The following ADGRG6 variants were observed in gnomAD, a reference collection of about 807,000 sequenced individuals.
ADGRG6 encodes the protein adhesion G protein-coupled receptor G6.
In ADGRG6, 84 loss-of-function variants were observed where a neutral mutation model predicts 142.4. The observed-to-expected ratio is 0.59, with a 90% CI of 0.49 to 0.71. The LOEUF (loss-of-function observed/expected upper bound fraction) is 0.71, where lower values mean the gene tolerates loss of function less well. Among genes scored for constraint, ADGRG6 ranks in the 30% least tolerant of loss-of-function variants. The pLI, the probability that ADGRG6 is intolerant of heterozygous loss-of-function variation, is 0.00. For missense variants in ADGRG6, 1,367 were observed against 1,466.6 expected (o/e 0.93, Z 1.11); for synonymous variants, 521 against 520.5 (o/e 1.00, Z -0.01).
chr6:142,330,208 T>C (rs577552837), intron 2 of ADGRG6, among the ~76,000 whole-genome samples: 42 of 152,226 alleles, frequency 2.8e-4, no homozygotes, highest in African/African-American at 8.2e-4. Context: ...TCGTTCTTTT[T>C]AATGGCTGCA....
chr6:142,420,006 C>T lies in ADGRG6; in HGVS notation c.3221C>T (p.Thr1074Ile). ...LRNLRSVVSL[T>I]FLLGMTWGFA... ...AACCTGCGCAGTGTGGTTAGCTTGA[C>T]CTTTCTGTTGGGCATGACATGGGGT... is the stretch of plus-strand genomic sequence containing the variant. Residue 1074 changes from threonine to isoleucine, a missense_variant, in exon 22 of 25, where the codon ACC (threonine) becomes ATC (isoleucine). By Grantham distance (89) the Thr-to-Ile change is moderately conservative. Transcript: ENST00000367609. 6.2e-7 allele frequency: 1 copy of T among 1,613,534 alleles called. No individual in the cohort carries two copies. The highest frequency in any genetic ancestry group is 8.5e-7 in the Non-Finnish European group (1 of 1,179,594).
intron 2 of ADGRG6, among the ~76,000 whole-genome samples, chr6:142,343,945 G>A (rs1053326488): frequency 6.6e-6 from 1 of 151,926 alleles, no homozygotes. Flanking sequence ...CTTGAAGTTC[G>A]CAACACTGAA....
Position 142,341,466 on chromosome 6 carries a change from A to AGTATAT in ADGRG6, c.104-26103_104-26102insGTATAT, listed in dbSNP as rs1221053033. Among the ~76,000 whole-genome samples the AGTATAT allele has an allele frequency of 8.7e-3, 1,042 of 119,246 alleles. 10 individuals carry two copies. Among genetic ancestry groups the AGTATAT allele is most frequent in the Middle Eastern group, 0.071 (19 of 266 alleles). 78.2% of individuals were successfully genotyped at this position (119,246 alleles called of 152,430 possible). A position where few individuals can be genotyped will look rare whatever the true frequency, so the allele number is the denominator to read the frequency against. On this transcript the variant is annotated intron_variant, in intron 2 of 24. Transcript: ENST00000367609. ...TATATATAGTATATATAGTATATAT[A>AGTATAT]ATATTATGTAGTATATATACTATAT...
At chr6:142,308,911 C>CCA (rs1199637791) in intron 1 of ADGRG6, among the ~76,000 whole-genome samples, 2 of 151,758 alleles carry the variant, frequency 1.3e-5, no homozygotes, top group Non-Finnish European at 3.0e-5. Context: ...TTTCAAAGCA[C>CCA]CACCTCTCCA....
At chr6:142,315,896 A>G (rs1778037706) in intron 2 of ADGRG6, among the ~76,000 whole-genome samples, 1 of 151,996 alleles carries the variant, frequency 6.6e-6, no homozygotes, top group Non-Finnish European at 1.5e-5. Context: ...CAGCACATGG[A>G]TGGTAGCTGT....
At chr6:142,360,075 T>A (rs1780642793) in intron 2 of ADGRG6, among the ~76,000 whole-genome samples, 1 of 152,156 alleles carries the variant, frequency 6.6e-6, no homozygotes, top group African/African-American at 2.4e-5. Flanking sequence ...TTAACAACTA[T>A]GAATAAAACA....
In ADGRG6 at chr6:142,426,632, C is replaced by A. The variant is rs547231950; in HGVS notation, c.3319+6528C>A. On this transcript the variant is annotated intron_variant, in intron 22 of 24. Coordinates refer to ENST00000367609, the MANE Select transcript of ADGRG6 (RefSeq NM_198569.3). ...CTCTTCTCACAGCTCCACTAGATGG[C>A]ACCCCAGTAGGGACTCTGTGTGGGG... Among the ~76,000 whole-genome samples, 6 of 152,320 alleles carry A rather than the reference C, an allele frequency of 3.9e-5. No individual in the cohort carries two copies. The South Asian group carries it at 1.2e-3, about 32-fold the overall frequency.
At chr6:142,375,237 C>T (rs1781447844) in intron 4 of ADGRG6, among the ~76,000 whole-genome samples, 1 of 152,222 alleles carries the variant, frequency 6.6e-6, no homozygotes, top group African/African-American at 2.4e-5. Flanking sequence ...GCATCAAATA[C>T]ATACTCATGT....
At chr6:142,362,632 A>G (rs1780777160) in intron 2 of ADGRG6, among the ~76,000 whole-genome samples, 1 of 152,208 alleles carries the variant, frequency 6.6e-6, no homozygotes, top group Admixed American at 6.5e-5. Context: ...ATCTTGAAAA[A>G]TCTGGATAGT....
intron 22 of ADGRG6, among the ~76,000 whole-genome samples, chr6:142,423,243 G>A (rs1776752054): frequency 7.0e-6 from 1 of 142,460 alleles, no homozygotes; most frequent in Non-Finnish European, 1.5e-5. Flanking sequence ...CCTTGCCCAT[G>A]CCTATGTCCT....
chr6:142,338,013 C>CTTTTTTTTTTTTTTTTTTTTTT (rs1779405902), intron 2 of ADGRG6, among the ~76,000 whole-genome samples: 3 of 26,044 alleles, frequency 1.2e-4, no homozygotes, highest in Middle Eastern at 0.021. Context: ...TGCCTTGTAT[C>CTTTTTTTTTTTTTTTTTTTTTT]TTTGTTTTTT....
intron 2 of ADGRG6, among the ~76,000 whole-genome samples, chr6:142,365,647 T>C (rs1283759103): frequency 6.6e-6 from 1 of 152,180 alleles, no homozygotes; most frequent in Non-Finnish European, 1.5e-5. Flanking sequence ...TTATTTTCCA[T>C]TGTCTGTCTT....
intron 6 of ADGRG6, among the ~76,000 whole-genome samples, chr6:142,389,330 G>A (rs1256847078): frequency 1.3e-5 from 2 of 151,380 alleles, no homozygotes; most frequent in Admixed American, 6.6e-5. Flanking sequence ...TCTATATTTT[G>A]TGTGCCTATT....
chr6:142,442,364 G>C (rs777997734), intron 24 of ADGRG6, among the ~76,000 whole-genome samples: 2 of 152,102 alleles, frequency 1.3e-5, no homozygotes, highest in Non-Finnish European at 2.9e-5. Context: ...AGAGGGAAGT[G>C]CTTAAAAGAT....
At chr6:142,317,709 T>TAAATATATATAA (rs1778154351) in intron 2 of ADGRG6, among the ~76,000 whole-genome samples, 1 of 110,316 alleles carries the variant, frequency 9.1e-6, no homozygotes, top group East Asian at 2.2e-4. Context: ...TAAATATATA[T>TAAATATATATAA]ATATTTATAT....
intron 10 of ADGRG6, among the ~76,000 whole-genome samples, chr6:142,398,354 G>A (rs1157690294): frequency 6.6e-6 from 1 of 152,184 alleles, no homozygotes; most frequent in Non-Finnish European, 1.5e-5. Flanking sequence ...GAGCTTGGGA[G>A]GTCAAGGCTG....
At chr6:142,306,435 A>G (rs1777498360) in intron 1 of ADGRG6, among the ~76,000 whole-genome samples, 1 of 152,112 alleles carries the variant, frequency 6.6e-6, no homozygotes. Context: ...TGGGTCTCAA[A>G]AAGGACGCTA....
chr6:142,415,277 G>A (rs145359823), intron 19 of ADGRG6, among the ~76,000 whole-genome samples, 181 bp downstream of exon 19: 70 of 152,152 alleles, frequency 4.6e-4, no homozygotes, highest in African/African-American at 1.6e-3. Flanking sequence ...ATTTATAATT[G>A]CTGTATTTCT....
Position 142,415,982 on chromosome 6 carries a change from A to ATGTAC in ADGRG6, c.2856_2857insTGTAC (p.Ile953CysfsTer9). On this transcript the variant is annotated frameshift_variant, in exon 20 of 25. Transcript: ENST00000367609. LOFTEE classifies it high-confidence loss of function. Reference sequence around the variant, plus strand: ...CCTTTACCTGGATGGGGCTAGAAGCAATTCACATGTACATTGCTCTAGTTA... The same window carrying ATGTAC: ...CCTTTACCTGGATGGGGCTAGAAGCATGTACATTCACATGTACATTGCTCTAGTTA... 6.2e-7 allele frequency: 1 copy of ATGTAC among 1,612,556 alleles called. No individual in the cohort carries two copies. The highest frequency in any genetic ancestry group is 8.5e-7 in the Non-Finnish European group (1 of 1,178,704).
Sources: allele counts gnomAD v4.1 joint callset (sites outside exome capture counted in the v4.1 genomes callset), GRCh38; gene constraint gnomAD v4.1.1; transcripts MANE v1.5; gene names NCBI Gene and HGNC (gene_info 2026-07-23, HGNC 2026-07-21).